ATP2A1: variants seen among roughly 807,000 people sequenced by gnomAD.
ATP2A1 encodes the protein ATPase sarcoplasmic/endoplasmic reticulum Ca2+ transporting 1, also known as sarcoplasmic/endoplasmic reticulum calcium ATPase 1.
In ATP2A1, 83 loss-of-function variants were observed where a neutral mutation model predicts 109.5. The ratio of observed to expected loss-of-function variants is 0.76; its 90% CI spans 0.63 to 0.91. The LOEUF (loss-of-function observed/expected upper bound fraction) is 0.91. ATP2A1 is among the 40% of genes least tolerant of loss of function. The probability of loss-of-function intolerance (pLI) is 0.00; values close to 1 mark genes in which losing one functional copy is unlikely to be tolerated. For synonymous variants in ATP2A1, 505 were observed against 537.6 expected (o/e 0.94, Z 0.84); for missense variants, 1,101 against 1,341.0 (o/e 0.82, Z 2.80).
chr16:28,883,115 C>T lies in ATP2A1; in HGVS notation c.463+526C>T, dbSNP rs888457974. ...GGAGGAGGGAGCTCAAGGAGGGCCC[C>T]GCCCGCGGCAAGGGACACTTAATGC... is the stretch of plus-strand genomic sequence containing the variant. On this transcript the variant is annotated intron_variant, in intron 5 of 22. Coordinates refer to ENST00000395503, the MANE Select transcript of ATP2A1 (RefSeq NM_004320.6). The surrounding 1 kb of genome is among the most constrained non-coding windows in gnomAD (Gnocchi z 5.2). 2.0e-5 allele frequency among the ~76,000 whole-genome samples: 3 copies of T among 152,232 alleles called. No homozygotes were observed. Among genetic ancestry groups the T allele is most frequent in the Admixed American group, 6.5e-5 (1 of 15,284 alleles).
intron 6 of ATP2A1, among the ~76,000 whole-genome samples, chr16:28,884,892 G>A (rs1040667989): frequency 9.9e-5 from 15 of 152,170 alleles, no homozygotes; most frequent in Admixed American, 8.5e-4. Context: ...AGGCAGCAGT[G>A]AGCTGTGATC....
intron 14 of ATP2A1, 105 bp from the exon 15 acceptor site, chr16:28,900,476 C>CCCCCCATCCAG: frequency 1.0e-6 from 1 of 977,762 alleles, no homozygotes; most frequent in Admixed American, 3.0e-5. Flanking sequence ...CACCCCTCCC[C>CCCCCCATCCAG]ACCACTTCCT....
intron 9 of ATP2A1, among the ~76,000 whole-genome samples, chr16:28,890,313 AAAATT>A (rs1387544526): frequency 6.6e-6 from 1 of 151,140 alleles, no homozygotes; most frequent in Non-Finnish European, 1.5e-5. Flanking sequence ...AAAAAAAAAA[AAAATT>A]AGCCTGATGT....
intron 15 of ATP2A1, 127 bp from the exon 16 acceptor site, chr16:28,901,736 T>C: frequency 1.2e-6 from 1 of 830,328 alleles, no homozygotes; most frequent in Middle Eastern, 3.4e-4. Context: ...GCAGGAGGAT[T>C]GCTTGAGCCC....
At chr16:28,886,002 T>C (rs185867223) in intron 6 of ATP2A1, among the ~76,000 whole-genome samples, 2 of 150,182 alleles carry the variant, frequency 1.3e-5, no homozygotes, top group Non-Finnish European at 3.0e-5. Context: ...CCCATCTCTA[T>C]AAAAAAAAAA....
chr16:28,883,816 C>T lies in ATP2A1; in HGVS notation c.464-759C>T, dbSNP rs1048880407. 6.6e-6 allele frequency among the ~76,000 whole-genome samples: 1 copy of T among 152,078 alleles called. No individual in the cohort carries two copies. The highest frequency in any genetic ancestry group is 1.5e-5 in the Non-Finnish European group (1 of 68,004). On this transcript the variant is annotated intron_variant, in intron 5 of 22. Transcript: ENST00000395503. This position sits in a 1 kb window ranked among gnomAD's most constrained non-coding sequence, Gnocchi z 5.2. ...TCTCTCCTGTCCCATCCCATCCTGT[C>T]TTGTCCATGTCCCCAGCTCACTCTC...
rs1408270239 is a variant in ATP2A1, at chr16:28,903,649, A to G, written c.2981-51A>G. On this transcript the variant is annotated intron_variant, in intron 21 of 22. Transcript: ENST00000395503. This position sits in a 1 kb window ranked among gnomAD's most constrained non-coding sequence, Gnocchi z 5.6. ...AGCCCCCACAGCCCCTATAGCCCCC[A>G]TGCCACCTCCCTGCCTTGATAACAG... 2.0e-6 allele frequency: 3 copies of G among 1,488,802 alleles called. No homozygotes were observed. Among genetic ancestry groups the G allele is most frequent in the South Asian group, 2.3e-5 (2 of 88,376 alleles). 92.2% of individuals were successfully genotyped at this position (1,488,802 alleles called of 1,614,324 possible).
In ATP2A1 at chr16:28,898,529, C is replaced by T. The variant is rs75967720; in HGVS notation, c.1764+78C>T. 1 of 1,469,572 alleles carries T rather than the reference C, an allele frequency of 6.8e-7. No individual in the cohort carries two copies. The highest frequency in any genetic ancestry group is 9.3e-7 in the Non-Finnish European group (1 of 1,072,748). 91.0% of individuals were successfully genotyped at this position (1,469,572 alleles called of 1,614,324 possible). On this transcript the variant is annotated intron_variant, in intron 14 of 22. Transcript: ENST00000395503. This position sits in a 1 kb window ranked among gnomAD's most constrained non-coding sequence, Gnocchi z 4.0. ...CAGCCATCCACTCACAGCTCCACCA[C>T]CCGGATCATTTCCTACCTCGTCAGT... is the stretch of plus-strand genomic sequence containing the variant.
At position 28,899,656 on chromosome 16, in the gene ATP2A1, C is replaced by T. The variant is rs865879161; in HGVS notation, c.1765-925C>T. Among the ~76,000 whole-genome samples, 642 of 121,124 alleles carry T rather than the reference C, an allele frequency of 5.3e-3. 90 individuals are homozygous for T. Among genetic ancestry groups the T allele is most frequent in the African/African-American group, 0.02 (621 of 31,568 alleles). The allele number at this position is 121,124 out of a possible 152,430, so 79.5% of individuals were successfully genotyped here. On this transcript the variant is annotated intron_variant, in intron 14 of 22. Coordinates refer to ENST00000395503, the MANE Select transcript of ATP2A1 (RefSeq NM_004320.6). Reference sequence around the variant, plus strand: ...TCCATCCCCTGCGCCCGCCCCCCCCCCCCCGAAAAAGACACAATTTGGGGC... The same window carrying T: ...TCCATCCCCTGCGCCCGCCCCCCCCTCCCCGAAAAAGACACAATTTGGGGC...
rs1964184557 is a variant in ATP2A1, at chr16:28,904,301, T to C, written c.*159T>C. The stretch of plus-strand genomic sequence containing the variant: ...CGTCCTGTCCCCCACACCCGTGTCA[T>C]GTGTCTGTTTATAAACATGTCCCCT... On this transcript the variant is annotated 3_prime_UTR_variant, in exon 23 of 23. Coordinates refer to ENST00000395503, the MANE Select transcript of ATP2A1 (RefSeq NM_004320.6). 2.5e-6 allele frequency: 4 copies of C among 1,608,278 alleles called. No individual in the cohort carries two copies. Among genetic ancestry groups the C allele is most frequent in the South Asian group, 1.1e-5 (1 of 90,722 alleles).
rs986557403 is a variant in ATP2A1 at position 28,881,027 on chromosome 16, T to C, written c.324+8T>C. 2.5e-6 allele frequency: 4 copies of C among 1,612,624 alleles called. No homozygotes were observed. Among genetic ancestry groups the C allele is most frequent in the Non-Finnish European group, 3.4e-6 (4 of 1,178,726 alleles). On this transcript the variant is annotated splice_region_variant and intron_variant, in intron 4 of 22. Coordinates refer to ENST00000395503, the MANE Select transcript of ATP2A1 (RefSeq NM_004320.6). Reference sequence around the variant, plus strand: ...ATCGTGGGGGTTTGGCAGGTTAGCGTTGACCCTTCCTTACCCCTTCATGTC... The same window carrying C: ...ATCGTGGGGGTTTGGCAGGTTAGCGCTGACCCTTCCTTACCCCTTCATGTC...
At position 28,902,924 on chromosome 16, in the gene ATP2A1, C is replaced by A; in HGVS notation, c.2744+13C>A. 1 of 1,613,870 alleles carries A rather than the reference C, an allele frequency of 6.2e-7. No homozygotes were observed. The highest frequency in any genetic ancestry group is 8.5e-7 in the Non-Finnish European group (1 of 1,179,908). ...ATGCACTGAACAGGTGGGGGCCCCC[C>A]AGCTACACCCACCACCCTCCCCTGA... is the stretch of plus-strand genomic sequence containing the variant. On this transcript the variant is annotated intron_variant, in intron 19 of 22. Transcript: ENST00000395503. The surrounding 1 kb of genome is among the most constrained non-coding windows in gnomAD (Gnocchi z 4.8).
Position 28,902,942 on chromosome 16 carries a change from TCC to T in ATP2A1, c.2744+34_2744+35del. ...GGCCCCCCAGCTACACCCACCACCC[TCC>T]CCTGAGGCCACTGCCCACATCCTCC... On this transcript the variant is annotated intron_variant, in intron 19 of 22. Transcript: ENST00000395503. The surrounding 1 kb of genome is among the most constrained non-coding windows in gnomAD (Gnocchi z 4.8). 6.2e-7 allele frequency: 1 copy of T among 1,606,788 alleles called. No individual in the cohort carries two copies. The highest frequency in any genetic ancestry group is 8.5e-7 in the Non-Finnish European group (1 of 1,177,084).
At position 28,904,335 on chromosome 16, in the gene ATP2A1, C is replaced by G. The variant is rs1964185215; in HGVS notation, c.*193C>G. ...TTATAAACATGTCCCCTTCCCTTTCCTTCCCCCTCGGCCACCCGCCTCCCT... is the reference window on the plus strand; with the variant it reads ...TTATAAACATGTCCCCTTCCCTTTCGTTCCCCCTCGGCCACCCGCCTCCCT... On this transcript the variant is annotated 3_prime_UTR_variant, in exon 23 of 23. Coordinates refer to ENST00000395503, the MANE Select transcript of ATP2A1 (RefSeq NM_004320.6). 1.9e-6 allele frequency: 3 copies of G among 1,563,042 alleles called. No individual in the cohort carries two copies. Among genetic ancestry groups the G allele is most frequent in the Non-Finnish European group, 2.6e-6 (3 of 1,158,770 alleles).
rs367563402 is a variant in ATP2A1 at position 28,900,725 on chromosome 16, C to T, written c.1909C>T (p.Arg637Trp). 41 of 1,614,032 alleles carry T rather than the reference C, an allele frequency of 2.5e-5. No individual in the cohort carries two copies. Among genetic ancestry groups the T allele is most frequent in the Non-Finnish European group, 3.3e-5 (39 of 1,180,014 alleles). ...CAAGGGCACAGCCATTGCCATCTGC[C>T]GGCGAATTGGCATCTTTGGGGAGAA... The part of the protein sequence containing the change: ...DNKGTAIAIC[R>W]RIGIFGENEE... The change falls in exon 15 of 23, where the codon CGG becomes TGG. Residue 637 changes from arginine to tryptophan, a missense_variant. Transcript: ENST00000395503.
chr16:28,888,449 C>T (rs1963680989), intron 8 of ATP2A1, among the ~76,000 whole-genome samples: 1 of 152,112 alleles, frequency 6.6e-6, no homozygotes, highest in South Asian at 2.1e-4. Context: ...ACTCTTGTTG[C>T]CCAGGCTGGA....
chr16:28,881,820 GA>G (rs962785227), intron 4 of ATP2A1, among the ~76,000 whole-genome samples: 1 of 144,064 alleles, frequency 6.9e-6, no homozygotes, highest in Non-Finnish European at 1.6e-5. Context: ...AAAAAAGAGA[GA>G]AATAGCACTT....
rs1331197933 is a variant in ATP2A1, at chr16:28,878,830, C to T, written c.118+41C>T. On this transcript the variant is annotated intron_variant, in intron 1 of 22. Transcript: ENST00000395503. ...AAGAGCGGCTGGTAATTAATGCCCTCCTGCACCCCCAAAACACACGCACAC... is the reference window on the plus strand; with the variant it reads ...AAGAGCGGCTGGTAATTAATGCCCTTCTGCACCCCCAAAACACACGCACAC... The T allele has an allele frequency of 9.4e-6, 15 of 1,589,046 alleles. No individual in the cohort carries two copies. The Admixed American group carries it at 2.3e-4, about 25-fold the overall frequency.
rs747347830 is a variant in ATP2A1 at position 28,887,190 on chromosome 16, C to T, written c.546C>T (p.Gly182=). ...TLRVDQSILT[G]ESVSVIKHTE... ...AACCCCTTGGCCCCTTCTCCACAGG[C>T]GAGTCTGTATCTGTCATCAAACACA... Residue 182 remains glycine (G), a splice_region_variant and synonymous_variant, in exon 7 of 23, where the codon GGC becomes GGT. Transcript: ENST00000395503. 1.4e-5 allele frequency: 23 copies of T among 1,613,568 alleles called. No homozygotes were observed. Among genetic ancestry groups the T allele is most frequent in the South Asian group, 5.5e-5 (5 of 91,054 alleles).
Sources: gnomAD v4.1 joint callset for allele counts (sites outside exome capture counted in the v4.1 genomes callset) on GRCh38, gnomAD v4.1.1 for gene constraint, Gnocchi (gnomAD v3.1) non-coding constraint, MANE v1.5 for transcripts, NCBI Gene and HGNC (gene_info 2026-07-23, HGNC 2026-07-21) for gene names.